Variants in DPYS observed in about 807,000 individuals in gnomAD.
DPYS encodes the protein dihydropyrimidine amidohydrolase.
Under a neutral mutation model 50.3 loss-of-function variants are expected in DPYS, and 39 were observed. The observed-to-expected ratio is 0.78, with a 90% CI of 0.60 to 1.01. The LOEUF (loss-of-function observed/expected upper bound fraction) is 1.01, where lower values mean the gene tolerates loss of function less well. DPYS is among the 50% of genes least tolerant of loss of function. The pLI is 0.00. For missense variants in DPYS, 659 were observed against 680.9 expected (o/e 0.97, Z 0.36); for synonymous variants, 245 against 250.7 (o/e 0.98, Z 0.22).
At chr8:104,399,294 AAAAAAAAAAAAAAAAACAACAAC>A (rs1279484544) in intron 7 of DPYS, among the ~76,000 whole-genome samples, 2 of 39,996 alleles carry the variant, frequency 5.0e-5, no homozygotes, top group African/African-American at 1.3e-4. Context: ...CCATCTCAAA[AAAAAAAAAAAAAAAAACAACAAC>A]AAAAAAAAAC....
intron 7 of DPYS, chr8:104,419,459 C>T (rs1211413728): frequency 1.3e-5 from 2 of 152,158 alleles, no homozygotes; most frequent in African/African-American, 4.8e-5. Context: ...ATGGGCTGTA[C>T]ATGGTGACTT....
intron 1 of DPYS, among the ~76,000 whole-genome samples, chr8:104,459,419 A>T (rs996377564): frequency 1.3e-5 from 2 of 152,240 alleles, no homozygotes; most frequent in Admixed American, 1.3e-4. Context: ...CTGAGAACAA[A>T]TACCATGGTT....
intron 4 of DPYS, 55 bp downstream of exon 4, chr8:104,444,193 G>A: frequency 6.3e-7 from 1 of 1,597,646 alleles, no homozygotes; most frequent in Non-Finnish European, 8.6e-7. Context: ...TACAGACGTG[G>A]ACTTTTCTCT....
At chr8:104,407,940 G>C (rs560715625) in intron 7 of DPYS, among the ~76,000 whole-genome samples, 37 of 149,884 alleles carry the variant, frequency 2.5e-4, no homozygotes, top group African/African-American at 8.7e-4. Context: ...TTTCACTTCT[G>C]GCTTAAGACA....
At position 104,462,292 on chromosome 8, in the gene DPYS, CA is replaced by C. The variant is rs1359530572; in HGVS notation, c.264+4364del. ...CCTGAAGCCCAGCCGGGAGCTCTGG[CA>C]AGCAACAGAAAAGGGGATTTGATTT... On this transcript the variant is annotated intron_variant, in intron 1 of 9. Coordinates refer to ENST00000351513, the MANE Select transcript of DPYS (RefSeq NM_001385.3). Among the ~76,000 whole-genome samples the C allele has an allele frequency of 2.0e-5, 3 of 152,242 alleles. No homozygotes were observed. In the East Asian group the frequency reaches 5.8e-4, roughly 29 times the overall value.
intron 4 of DPYS, among the ~76,000 whole-genome samples, chr8:104,443,517 T>C (rs1023065650): frequency 2.6e-5 from 4 of 152,226 alleles, no homozygotes; most frequent in African/African-American, 9.6e-5. Flanking sequence ...ATTGAGCATG[T>C]ACTAGGTGCC....
At chr8:104,427,233 C>A (rs1588434807) in intron 6 of DPYS, among the ~76,000 whole-genome samples, 1 of 145,342 alleles carries the variant, frequency 6.9e-6, no homozygotes, top group African/African-American at 2.5e-5. Flanking sequence ...CTGACATCAA[C>A]AAAGATTTCA....
intron 4 of DPYS, among the ~76,000 whole-genome samples, chr8:104,431,277 G>A (rs188352209): frequency 6.6e-6 from 1 of 152,056 alleles, no homozygotes; most frequent in Non-Finnish European, 1.5e-5. Flanking sequence ...AAAATTAAAA[G>A]TGTCAGCATC....
intron 2 of DPYS, among the ~76,000 whole-genome samples, chr8:104,449,651 C>T (rs1293796083): frequency 6.6e-6 from 1 of 152,174 alleles, no homozygotes; most frequent in Non-Finnish European, 1.5e-5. Context: ...GTAACTGCTG[C>T]CCTTATATCA....
chr8:104,423,622 A>C (rs1299165471), intron 7 of DPYS, among the ~76,000 whole-genome samples: 1 of 152,206 alleles, frequency 6.6e-6, no homozygotes, highest in Non-Finnish European at 1.5e-5. Context: ...GAAAAACACA[A>C]ATCAGGCTGC....
At chr8:104,442,228 T>A in intron 4 of DPYS, among the ~76,000 whole-genome samples, 1 of 152,192 alleles carries the variant, frequency 6.6e-6, no homozygotes, top group East Asian at 1.9e-4. Context: ...ATGTCTGTAT[T>A]TACTAGTTTT....
intron 7 of DPYS, among the ~76,000 whole-genome samples, chr8:104,396,219 T>C (rs541809352): frequency 1.3e-4 from 20 of 152,296 alleles, no homozygotes; most frequent in African/African-American, 4.8e-4. Flanking sequence ...CACAGTTATA[T>C]TGATGGGAGG....
At chr8:104,419,165 A>C in intron 7 of DPYS, 2 of 633,284 alleles carry the variant, frequency 3.2e-6, no homozygotes, top group Non-Finnish European at 3.9e-6. Flanking sequence ...TTCTTCTAAC[A>C]CAGTCATGTA....
At chr8:104,453,217 T>C (rs1813813934) in intron 1 of DPYS, among the ~76,000 whole-genome samples, 1 of 152,198 alleles carries the variant, frequency 6.6e-6, no homozygotes. Context: ...TACAGGATCC[T>C]GTATGTTGTC....
intron 8 of DPYS, among the ~76,000 whole-genome samples, chr8:104,382,499 C>T (rs901937274): frequency 6.6e-6 from 1 of 151,714 alleles, no homozygotes; most frequent in Non-Finnish European, 1.5e-5. Context: ...TAATACCCCA[C>T]TCTCTGGCCA....
chr8:104,381,889 C>CACAT (rs1371539303), intron 8 of DPYS, among the ~76,000 whole-genome samples: 2 of 150,210 alleles, frequency 1.3e-5, no homozygotes, highest in Non-Finnish European at 3.0e-5. Context: ...CACACATACA[C>CACAT]ACAGACAAAT....
intron 8 of DPYS, among the ~76,000 whole-genome samples, chr8:104,382,263 C>T (rs1811077227): frequency 6.6e-6 from 1 of 152,100 alleles, no homozygotes; most frequent in South Asian, 2.1e-4. Context: ...CGGGTGTGCA[C>T]TGAGTGCTCA....
intron 1 of DPYS, among the ~76,000 whole-genome samples, chr8:104,455,471 G>A (rs1045795463): frequency 4.6e-5 from 7 of 152,220 alleles, no homozygotes; most frequent in African/African-American, 1.7e-4. Context: ...GATGGCAGGC[G>A]AGTGGACAGA....
At chr8:104,389,068 C>A (rs1268562776) in intron 8 of DPYS, among the ~76,000 whole-genome samples, 1 of 152,206 alleles carries the variant, frequency 6.6e-6, no homozygotes, top group Non-Finnish European at 1.5e-5. Context: ...GAATAAGATG[C>A]TGCTCTGAAG....
Sources: gnomAD v4.1 joint callset for allele counts (sites outside exome capture counted in the v4.1 genomes callset) on GRCh38, gnomAD v4.1.1 for gene constraint, MANE v1.5 for transcripts, NCBI Gene and HGNC (gene_info 2026-07-23, HGNC 2026-07-21) for gene names.